Variants in FSHR observed in about 807,000 individuals in gnomAD.
FSHR encodes the protein follicle-stimulating hormone receptor.
Under a neutral mutation model 52.1 loss-of-function variants are expected in FSHR, and 46 were observed. The ratio of observed to expected loss-of-function variants is 0.88; its 90% CI spans 0.70 to 1.13. The LOEUF is 1.13. Among genes scored for constraint, FSHR ranks in the 50% most tolerant of loss-of-function variants. The pLI, the probability that FSHR is intolerant of heterozygous loss-of-function variation, is 0.00. For missense variants in FSHR, 964 were observed against 834.6 expected, an observed-to-expected ratio of 1.16 and a Z score of -1.91; for synonymous variants, 399 against 309.6, an observed-to-expected ratio of 1.29 and a Z score of -3.03.
At chr2:49,006,413 C>G (rs565093143) in intron 4 of FSHR, among the ~76,000 whole-genome samples, 1 of 152,026 alleles carries the variant, frequency 6.6e-6, no homozygotes, top group Non-Finnish European at 1.5e-5. Flanking sequence ...CTTACCCAAC[C>G]CTATCCATCC....
rs199548127 is a variant in FSHR, at chr2:49,020,175, A to T, written c.225-15T>A. The T allele has an allele frequency of 3.1e-6, 5 of 1,605,004 alleles. No homozygotes were observed. Among genetic ancestry groups the T allele is most frequent in the Non-Finnish European group, 4.3e-6 (5 of 1,171,798 alleles). On this transcript the variant is annotated splice_polypyrimidine_tract_variant and intron_variant, in intron 2 of 9. Transcript: ENST00000406846. The stretch of plus-strand genomic sequence containing the variant: ...GAGAGATCTCTCTGTGGAGAAAAAA[A>T]TATATAAGTCAAGCCAGTTCAGTTA...
At chr2:49,059,823 G>C (rs1177774341) in intron 2 of FSHR, among the ~76,000 whole-genome samples, 1 of 151,958 alleles carries the variant, frequency 6.6e-6, no homozygotes, top group Non-Finnish European at 1.5e-5. Flanking sequence ...TCATGAATAA[G>C]ACATCAAAAG....
At chr2:48,980,560 G>A (rs1469541974) in intron 8 of FSHR, among the ~76,000 whole-genome samples, 3 of 152,278 alleles carry the variant, frequency 2.0e-5, no homozygotes, top group South Asian at 2.1e-4. Context: ...TCTGTGCCAC[G>A]TTTATCTAAC....
At chr2:49,135,849 T>G (rs1345940145) in intron 1 of FSHR, among the ~76,000 whole-genome samples, 3 of 152,112 alleles carry the variant, frequency 2.0e-5, no homozygotes, top group Admixed American at 1.3e-4. Context: ...AGATGGGATA[T>G]GTTTACTATT....
chr2:48,963,323 C>T lies in FSHR; in HGVS notation c.1498G>A (p.Ala500Thr), dbSNP rs1674317632. Residue 500 changes from alanine (A) to threonine (T), a missense_variant, in exon 10 of 10, where the codon GCT (alanine) becomes ACT (threonine). Coordinates refer to ENST00000406846, the MANE Select transcript of FSHR (RefSeq NM_000145.4). ...MVMGWIFAFA[A>T]ALFPIFGISS... ...ATGCCAAAGATGGGAAAGAGGGCAG[C>T]TGCAAAAGCAAAAATCCAGCCCATC... The T allele has an allele frequency of 1.2e-6, 2 of 1,614,028 alleles. No homozygotes were observed. The highest frequency in any genetic ancestry group is 1.7e-6 in the Non-Finnish European group (2 of 1,179,968).
Position 49,139,218 on chromosome 2 carries a change from G to C in FSHR, c.152+15048C>G, listed in dbSNP as rs144509136. ...CATAGAACTTTAAAAAGGGATTTTG[G>C]TGTCTACCATCTATTTTGGGTTGTA... On this transcript the variant is annotated intron_variant, in intron 1 of 9. Transcript: ENST00000406846. Among the ~76,000 whole-genome samples, 15 of 152,266 alleles carry C rather than the reference G, an allele frequency of 9.9e-5. No individual in the cohort carries two copies. In the East Asian group the frequency reaches 2.3e-3, roughly 24 times the overall value.
chr2:49,119,259 G>A (rs913014278), intron 1 of FSHR, among the ~76,000 whole-genome samples: 11 of 152,170 alleles, frequency 7.2e-5, no homozygotes, highest in African/African-American at 2.7e-4. Flanking sequence ...ACTTCAAAGT[G>A]ATTTTTTGTT....
At position 48,984,729 on chromosome 2, in the gene FSHR, C is replaced by G. The variant is rs6708649; in HGVS notation, c.525-1563G>C. Among the ~76,000 whole-genome samples, 281 of 152,206 alleles carry G rather than the reference C, an allele frequency of 1.8e-3. 2 individuals are homozygous for G. The highest frequency in any genetic ancestry group is 6.1e-3 in the African/African-American group (252 of 41,522). ...TGGCCTCTGGGTTATATGTAGTTGG[C>G]TGACCCTTAATCCATACAGGTTCCA... On this transcript the variant is annotated intron_variant, in intron 6 of 9. Transcript: ENST00000406846.
intron 4 of FSHR, among the ~76,000 whole-genome samples, chr2:49,002,440 A>G (rs745793729): frequency 1.2e-4 from 19 of 152,090 alleles, no homozygotes; most frequent in Admixed American, 9.8e-4. Flanking sequence ...GAGATTGGGT[A>G]ACTTATAAAA....
At chr2:49,009,142 G>A (rs1169037710) in intron 4 of FSHR, among the ~76,000 whole-genome samples, 2 of 151,802 alleles carry the variant, frequency 1.3e-5, no homozygotes, top group African/African-American at 2.4e-5. Flanking sequence ...TTTTCTTCTA[G>A]GGTTTTTATG....
At chr2:49,143,031 C>A (rs922749085) in intron 1 of FSHR, among the ~76,000 whole-genome samples, 4 of 152,108 alleles carry the variant, frequency 2.6e-5, no homozygotes, top group African/African-American at 4.8e-5. Flanking sequence ...ATGTCTTGGG[C>A]TCCATAAGGC....
chr2:49,103,962 A>C (rs1671131607), intron 1 of FSHR, among the ~76,000 whole-genome samples: 1 of 139,944 alleles, frequency 7.1e-6, no homozygotes, highest in Non-Finnish European at 1.5e-5. Context: ...TATTGTGACT[A>C]GGTGGGCTAT....
At position 49,105,013 on chromosome 2, in the gene FSHR, G is replaced by C. The variant is rs190710436; in HGVS notation, c.153-36723C>G. 2.4e-3 allele frequency among the ~76,000 whole-genome samples: 358 copies of C among 152,286 alleles called. 1 individual carries two copies. The highest frequency in any genetic ancestry group is 8.4e-3 in the African/African-American group (348 of 41,562). ...CAGGCAACGAAAATAACTCTTTTGAGTTGAGAAATCCGTAGATATCAAAAC... is the reference window on the plus strand; with the variant it reads ...CAGGCAACGAAAATAACTCTTTTGACTTGAGAAATCCGTAGATATCAAAAC... On this transcript the variant is annotated intron_variant, in intron 1 of 9. Coordinates refer to ENST00000406846, the MANE Select transcript of FSHR (RefSeq NM_000145.4).
intron 4 of FSHR, among the ~76,000 whole-genome samples, chr2:49,004,100 T>C (rs1666999620): frequency 6.6e-6 from 1 of 152,198 alleles, no homozygotes. Flanking sequence ...ATTCTGTCTG[T>C]GCCCCAGGCA....
At chr2:48,965,300 C>T (rs1674423361) in intron 9 of FSHR, among the ~76,000 whole-genome samples, 1 of 152,208 alleles carries the variant, frequency 6.6e-6, no homozygotes, top group South Asian at 2.1e-4. Context: ...GCTCTCCTCT[C>T]TTCTCTCACC....
intron 2 of FSHR, among the ~76,000 whole-genome samples, chr2:49,057,620 A>G (rs999876397): frequency 9.2e-5 from 14 of 152,184 alleles, no homozygotes; most frequent in Non-Finnish European, 1.9e-4. Context: ...ATTAATACCA[A>G]TTCTTCTCAA....
intron 4 of FSHR, among the ~76,000 whole-genome samples, chr2:49,015,290 C>A (rs1667444116): frequency 6.6e-6 from 1 of 152,118 alleles, no homozygotes; most frequent in Non-Finnish European, 1.5e-5. Context: ...TCTTTTTGAA[C>A]CCTTGCCAAG....
chr2:49,103,591 C>G (rs1436553441), intron 1 of FSHR, among the ~76,000 whole-genome samples: 1 of 152,092 alleles, frequency 6.6e-6, no homozygotes, highest in African/African-American at 2.4e-5. Context: ...GAGATGGCAT[C>G]CCTACAGAAC....
chr2:49,149,307 C>T (rs1672978672), intron 1 of FSHR, among the ~76,000 whole-genome samples: 1 of 151,972 alleles, frequency 6.6e-6, no homozygotes, highest in Non-Finnish European at 1.5e-5. Context: ...TACTTCAGAA[C>T]CATCTCCTTC....
Sources: gnomAD v4.1 joint callset for allele counts (sites outside exome capture counted in the v4.1 genomes callset) on GRCh38, gnomAD v4.1.1 for gene constraint, MANE v1.5 for transcripts, NCBI Gene and HGNC (gene_info 2026-07-23, HGNC 2026-07-21) for gene names.